The following ZNF233 variants were observed in gnomAD, a reference collection of about 807,000 sequenced individuals.
ZNF233 encodes zinc finger protein 233.
A neutral mutation model predicts 11.6 loss-of-function variants in ZNF233; 7 were observed. The ratio of observed to expected loss-of-function variants is 0.60; its 90% CI spans 0.34 to 1.13. The LOEUF is 1.13. Among genes scored for constraint, ZNF233 ranks in the 50% most tolerant of loss-of-function variants. The pLI is 0.03. For missense variants in ZNF233, 711 were observed against 785.5 expected (o/e 0.91, Z 1.13); for synonymous variants, 226 against 268.5 (o/e 0.84, Z 1.55).
At position 44,273,726 on chromosome 19, in the gene ZNF233, T is replaced by C; in HGVS notation, c.1066T>C (p.Cys356Arg). 1.2e-6 allele frequency: 2 copies of C among 1,614,190 alleles called. No homozygotes were observed. The highest frequency in any genetic ancestry group is 1.7e-6 in the Non-Finnish European group (2 of 1,180,030). Residue 356 changes from cysteine (C) to arginine (R), a missense_variant, in exon 5 of 5, where the codon TGT (cysteine) becomes CGT (arginine). Physicochemically the swap from Cys to Arg is radical, Grantham distance 180 (BLOSUM62 -3). Transcript: ENST00000683810. ...VYARSSNQNS[C>R]LPSHELTHPG... ...TGCCCGGAGCTCCAACCAGAACTCC[T>C]GTCTTCCCTCTCATGAGCTTACTCA...
In ZNF233 at chr19:44,274,355, A is replaced by G. The variant is rs766903239; in HGVS notation, c.1695A>G (p.Lys565=). ...QQVHTGENPY[K]CDVCGKGFSW... The stretch of plus-strand genomic sequence containing the variant: ...TCCATACTGGAGAGAATCCCTACAA[A>G]TGTGATGTGTGTGGGAAAGGCTTCA... Residue 565 remains lysine, a synonymous_variant, in exon 5 of 5, where the codon AAA becomes AAG. Transcript: ENST00000683810. The G allele has an allele frequency of 6.2e-7, 1 of 1,613,998 alleles. No homozygotes were observed. Among genetic ancestry groups the G allele is most frequent in the Non-Finnish European group, 8.5e-7 (1 of 1,179,984 alleles).
chr19:44,273,316 C>T lies in ZNF233; in HGVS notation c.656C>T (p.Ala219Val), dbSNP rs1276801373. Residue 219 changes from alanine (A) to valine (V), a missense_variant, in exon 5 of 5, where the codon GCT (alanine) becomes GTT (valine). Transcript: ENST00000683810. ...KCDHCVRQRI[A>V]HQHDDHGVHK... ...GATCATTGTGTTAGGCAAAGAATTGCTCATCAACATGATGATCATGGAGTA... is the reference window on the plus strand; with the variant it reads ...GATCATTGTGTTAGGCAAAGAATTGTTCATCAACATGATGATCATGGAGTA... 6.2e-7 allele frequency: 1 copy of T among 1,614,096 alleles called. No homozygotes were observed.
intron 4 of ZNF233, among the ~76,000 whole-genome samples, chr19:44,269,689 T>C (rs1429264467): frequency 6.6e-6 from 1 of 152,168 alleles, no homozygotes. Context: ...CCCTAAATTT[T>C]CAGGAAGTAA....
rs150957973 is a variant in ZNF233, at chr19:44,261,578, T to C, written c.-48+1640T>C. 2.9e-4 allele frequency among the ~76,000 whole-genome samples: 44 copies of C among 151,968 alleles called. 1 individual carries two copies. Among genetic ancestry groups the C allele is most frequent in the African/African-American group, 1.0e-3 (42 of 41,472 alleles). On this transcript the variant is annotated intron_variant, in intron 1 of 4. Coordinates refer to ENST00000683810, the MANE Select transcript of ZNF233 (RefSeq NM_001207005.2). ...TTGAGTAAATACCTGACACTGCTATTAAAATAAATAAATAGATAGGGTTTA... is the reference window on the plus strand; with the variant it reads ...TTGAGTAAATACCTGACACTGCTATCAAAATAAATAAATAGATAGGGTTTA...
intron 4 of ZNF233, among the ~76,000 whole-genome samples, chr19:44,269,605 C>CT (rs1477176048): frequency 2.0e-5 from 3 of 151,128 alleles, no homozygotes; most frequent in South Asian, 2.1e-4. Context: ...CAAATCTTTA[C>CT]TTTTTTTTTA....
intron 1 of ZNF233, among the ~76,000 whole-genome samples, chr19:44,263,210 G>A (rs191026994): frequency 6.5e-4 from 99 of 152,194 alleles, no homozygotes; most frequent in African/African-American, 2.1e-3. Context: ...TGTGCAATTC[G>A]GTGGTATTTA....
chr19:44,264,003 C>T (rs1975000086), intron 1 of ZNF233, among the ~76,000 whole-genome samples: 1 of 152,138 alleles, frequency 6.6e-6, no homozygotes, highest in South Asian at 2.1e-4. Context: ...GTAGCCATGC[C>T]AGGATTTGAC....
intron 1 of ZNF233, chr19:44,260,192 C>T (rs889606346): frequency 4.4e-6 from 1 of 228,176 alleles, no homozygotes; most frequent in African/African-American, 2.4e-5. Flanking sequence ...CTGCTGTCTT[C>T]TGGCAATATA....
In ZNF233 at chr19:44,273,705, C is replaced by G. The variant is rs143381681; in HGVS notation, c.1045C>G (p.Arg349Gly). ...CCTCTACAGATGTCAGGTATATGCCCGGAGCTCCAACCAGAACTCCTGTCT... is the reference window on the plus strand; with the variant it reads ...CCTCTACAGATGTCAGGTATATGCCGGGAGCTCCAACCAGAACTCCTGTCT... ...ENLYRCQVYA[R>G]SSNQNSCLPS... Residue 349 changes from arginine to glycine, a missense_variant, in exon 5 of 5, where the codon CGG becomes GGG. Coordinates refer to ENST00000683810, the MANE Select transcript of ZNF233 (RefSeq NM_001207005.2). The G allele has an allele frequency of 7.4e-6, 12 of 1,613,858 alleles. No homozygotes were observed. The Middle Eastern group carries it at 4.9e-4, about 66-fold the overall frequency.
intron 2 of ZNF233, among the ~76,000 whole-genome samples, chr19:44,265,407 A>ACC (rs1975053629): frequency 8.2e-6 from 1 of 121,970 alleles, no homozygotes; most frequent in Admixed American, 8.5e-5. Flanking sequence ...ACACACACAC[A>ACC]CACCACGGTT....
intron 4 of ZNF233, among the ~76,000 whole-genome samples, chr19:44,269,543 G>A (rs749846419): frequency 6.6e-5 from 10 of 151,958 alleles, no homozygotes; most frequent in Non-Finnish European, 1.2e-4. Flanking sequence ...ATCTGCCCAC[G>A]TTGGCCTCCC....
chr19:44,273,313 T>C lies in ZNF233; in HGVS notation c.653T>C (p.Ile218Thr). The change falls in exon 5 of 5, where the codon ATT (isoleucine) becomes ACT (threonine). Residue 218 changes from isoleucine (I) to threonine (T), a missense_variant. Coordinates refer to ENST00000683810, the MANE Select transcript of ZNF233 (RefSeq NM_001207005.2). The part of the protein sequence containing the change: ...CKCDHCVRQR[I>T]AHQHDDHGVH... ...TGTGATCATTGTGTTAGGCAAAGAA[T>C]TGCTCATCAACATGATGATCATGGA... is the stretch of plus-strand genomic sequence containing the variant. The C allele has an allele frequency of 6.2e-7, 1 of 1,614,112 alleles. No individual in the cohort carries two copies. Among genetic ancestry groups the C allele is most frequent in the South Asian group, 1.1e-5 (1 of 91,084 alleles).
intron 4 of ZNF233, among the ~76,000 whole-genome samples, chr19:44,270,435 C>T (rs1182165480): frequency 6.6e-6 from 1 of 151,338 alleles, no homozygotes; most frequent in East Asian, 1.9e-4. Context: ...GCAGGAGAAT[C>T]ACTTGAACCC....
At chr19:44,260,155 C>T (rs760408934) in intron 1 of ZNF233, 2 of 240,056 alleles carry the variant, frequency 8.3e-6, no homozygotes, top group African/African-American at 2.3e-5. Context: ...GCTCAAGTTC[C>T]CTCGCCTTCC....
At chr19:44,265,170 A>G (rs887427791) in intron 2 of ZNF233, among the ~76,000 whole-genome samples, 2 of 151,840 alleles carry the variant, frequency 1.3e-5, no homozygotes, top group Admixed American at 1.3e-4. Context: ...CTGAGGCCCT[A>G]AAGTCCATTG....
At chr19:44,270,346 T>TAAAA (rs398034740) in intron 4 of ZNF233, among the ~76,000 whole-genome samples, 10 of 72,692 alleles carry the variant, frequency 1.4e-4, no homozygotes, top group East Asian at 3.9e-4. Context: ...CCATCTATAC[T>TAAAA]AAAAAAAAAA....
In ZNF233 at chr19:44,266,204, G is replaced by C. The variant is rs146480382; in HGVS notation, c.22G>C (p.Val8Leu). ...CATCTGCTTGATGTTGTAGGAGATG[G>C]TGACATTCAAGGATGTGGCTGTGGT... is the stretch of plus-strand genomic sequence containing the variant. Reference protein sequence around the residue: MTKFQEMVTFKDVAVVFT... With the variant: MTKFQEMLTFKDVAVVFT... The change falls in exon 3 of 5, where the codon GTG becomes CTG. Residue 8 changes from valine (V) to leucine (L), a missense_variant. Transcript: ENST00000683810. 2 of 1,609,056 alleles carry C rather than the reference G, an allele frequency of 1.2e-6. No individual in the cohort carries two copies. Among genetic ancestry groups the C allele is most frequent in the Non-Finnish European group, 8.5e-7 (1 of 1,177,480 alleles).
In ZNF233 at chr19:44,273,105, A is replaced by G; in HGVS notation, c.445A>G (p.Ser149Gly). 6.2e-7 allele frequency: 1 copy of G among 1,614,120 alleles called. No individual in the cohort carries two copies. Among genetic ancestry groups the G allele is most frequent in the Non-Finnish European group, 8.5e-7 (1 of 1,180,020 alleles). Residue 149 changes from serine to glycine, a missense_variant, in exon 5 of 5, where the codon AGT (serine) becomes GGT (glycine). By Grantham distance (56) the Ser-to-Gly change is moderately conservative. Coordinates refer to ENST00000683810, the MANE Select transcript of ZNF233 (RefSeq NM_001207005.2). The part of the protein sequence containing the change: ...SPCQVWTGES[S>G]QVSEDENYVI... ...CTGTCAGGTGTGGACAGGAGAATCT[A>G]GTCAGGTCTCTGAAGATGAGAACTA...
chr19:44,263,291 A>G (rs748358445), intron 1 of ZNF233, among the ~76,000 whole-genome samples: 1 of 152,154 alleles, frequency 6.6e-6, no homozygotes, highest in Non-Finnish European at 1.5e-5. Flanking sequence ...TCACCCCCAA[A>G]AGAAACCTCA....
Sources: allele counts gnomAD v4.1 joint callset (sites outside exome capture counted in the v4.1 genomes callset), GRCh38; gene constraint gnomAD v4.1.1; transcripts MANE v1.5; gene names NCBI Gene and HGNC (gene_info 2026-07-23, HGNC 2026-07-21).